The following SBF2 variants were observed in gnomAD, a reference collection of about 807,000 sequenced individuals.
SBF2 encodes the protein SET binding factor 2, also known as myotubularin-related protein 13.
Under a neutral mutation model 225.2 loss-of-function variants are expected in SBF2, and 112 were observed. That is an observed-to-expected ratio of 0.50 (90% CI 0.43 to 0.58). The LOEUF is 0.58. Among genes scored for constraint, SBF2 ranks in the 20% least tolerant of loss-of-function variants. The probability of loss-of-function intolerance (pLI) is 0.00; values close to 1 mark genes in which losing one functional copy is unlikely to be tolerated. For missense variants in SBF2, 1,996 were observed against 2,206.2 expected (o/e 0.90, Z 1.91); for synonymous variants, 763 against 773.3 (o/e 0.99, Z 0.22).
intron 27 of SBF2, 176 bp from the exon 28 acceptor site, chr11:9,829,672 C>G (rs1044352101): frequency 1.7e-6 from 1 of 603,858 alleles, no homozygotes; most frequent in Admixed American, 2.7e-5. Context: ...TATTAAATGG[C>G]TAATCCTCCA....
intron 1 of SBF2, among the ~76,000 whole-genome samples, chr11:10,273,017 C>G (rs1254219416): frequency 6.6e-6 from 1 of 151,782 alleles, no homozygotes; most frequent in African/African-American, 2.4e-5. Flanking sequence ...TTGCAGTGAG[C>G]CAAGATCGCG....
chr11:9,905,161 A>T (rs560496246), intron 16 of SBF2, among the ~76,000 whole-genome samples: 2 of 152,362 alleles, frequency 1.3e-5, no homozygotes, highest in Non-Finnish European at 2.9e-5. Context: ...CCTGGTACAT[A>T]GAAAGTACTC....
intron 2 of SBF2, among the ~76,000 whole-genome samples, chr11:10,174,550 G>A (rs910064790): frequency 3.3e-5 from 5 of 152,220 alleles, no homozygotes; most frequent in African/African-American, 1.2e-4. Flanking sequence ...GTACCTGAAA[G>A]TGATGGGGAG....
At chr11:9,899,622 A>G (rs1360502028) in intron 16 of SBF2, among the ~76,000 whole-genome samples, 1 of 152,126 alleles carries the variant, frequency 6.6e-6, no homozygotes, top group Admixed American at 6.6e-5. Context: ...CTTGAGAATT[A>G]GAAGGGTCCC....
intron 16 of SBF2, among the ~76,000 whole-genome samples, chr11:9,942,907 GAAAGAAAGAAAGAAAGAA>G (rs1565038962): frequency 8.8e-5 from 4 of 45,620 alleles, no homozygotes; most frequent in African/African-American, 9.9e-5. Context: ...GAGAGAGAAA[GAAAGAAAGAAAGAAAGAA>G]AGAAAGAAAG....
chr11:10,289,247 CAA>C (rs1411436191), intron 1 of SBF2, among the ~76,000 whole-genome samples: 1 of 152,234 alleles, frequency 6.6e-6, no homozygotes, highest in East Asian at 1.9e-4. Flanking sequence ...CCTGAGAGTG[CAA>C]AGAGGCCTTG....
intron 2 of SBF2, among the ~76,000 whole-genome samples, chr11:10,173,625 G>A (rs1346134699): frequency 1.3e-5 from 2 of 152,196 alleles, no homozygotes; most frequent in Non-Finnish European, 2.9e-5. Flanking sequence ...GGTAAACAAA[G>A]CAGCAGGGAA....
intron 28 of SBF2, among the ~76,000 whole-genome samples, chr11:9,822,916 T>C (rs755993205): frequency 6.6e-6 from 1 of 152,348 alleles, no homozygotes; most frequent in African/African-American, 2.4e-5. Context: ...ATATTTGCTA[T>C]GCAGCCTTGG....
Position 10,254,900 on chromosome 11 carries a change from CAAAAAAAAAAAAAAAAAAAA to C in SBF2, c.55+39095_55+39114del, listed in dbSNP as rs71034757. Among the ~76,000 whole-genome samples the C allele has an allele frequency of 1.2e-3, 53 of 44,072 alleles. 2 individuals carry two copies. The highest frequency in any genetic ancestry group is 5.0e-3 in the South Asian group (4 of 808). 28.9% of individuals were successfully genotyped at this position (44,072 alleles called of 152,430 possible). ...TGGGTGACAGAGTGAGACTCTGTCTCAAAAAAAAAAAAAAAAAAAAAAAAAAAAAAAAAAAAAAATCCTAT... is the reference window on the plus strand; with the variant it reads ...TGGGTGACAGAGTGAGACTCTGTCTCAAAAAAAAAAAAAAAAAAATCCTAT... On this transcript the variant is annotated intron_variant, in intron 1 of 39. Transcript: ENST00000256190.
intron 3 of SBF2, 73 bp from the exon 4 acceptor site, chr11:10,031,243 C>A (rs1949245283): frequency 2.1e-6 from 3 of 1,395,466 alleles, no homozygotes; most frequent in Admixed American, 3.5e-5. Flanking sequence ...AGATGAATAT[C>A]ACCTTAAATA....
chr11:10,122,449 G>C (rs1444067683), intron 2 of SBF2, among the ~76,000 whole-genome samples: 2 of 152,158 alleles, frequency 1.3e-5, no homozygotes, highest in Non-Finnish European at 2.9e-5. Flanking sequence ...CTAGAACTCA[G>C]AACAGGCCCT....
At chr11:9,840,899 T>C (rs1160245766) in intron 25 of SBF2, among the ~76,000 whole-genome samples, 1 of 151,652 alleles carries the variant, frequency 6.6e-6, no homozygotes, top group East Asian at 1.9e-4. Context: ...AATAATCAAA[T>C]ATTTTAGGGA....
intron 2 of SBF2, among the ~76,000 whole-genome samples, chr11:10,118,696 C>T (rs535206148): frequency 7.9e-5 from 12 of 151,958 alleles, no homozygotes; most frequent in African/African-American, 2.9e-4. Context: ...ACCTGTTCCC[C>T]CCAAAATCAG....
chr11:9,850,300 G>C (rs1281218676), intron 21 of SBF2, 82 bp from the exon 22 acceptor site: 2 of 1,309,274 alleles, frequency 1.5e-6, no homozygotes, highest in Admixed American at 3.6e-5. Context: ...CTGTTGCCCA[G>C]CCTAGAATAC....
At chr11:10,221,384 C>G (rs1180521545) in intron 1 of SBF2, among the ~76,000 whole-genome samples, 1 of 152,180 alleles carries the variant, frequency 6.6e-6, no homozygotes, top group African/African-American at 2.4e-5. Flanking sequence ...TCCTAAAGTG[C>G]TGGGATTACA....
chr11:10,162,206 G>A (rs1039698641), intron 2 of SBF2, among the ~76,000 whole-genome samples: 10 of 150,042 alleles, frequency 6.7e-5, no homozygotes, highest in Non-Finnish European at 1.2e-4. Context: ...TTTTCCAACA[G>A]GGCAGAAAAA....
At chr11:10,030,788 T>C (rs1949222664) in intron 4 of SBF2, among the ~76,000 whole-genome samples, 1 of 152,212 alleles carries the variant, frequency 6.6e-6, no homozygotes. Flanking sequence ...TTAGGATGTA[T>C]ACATTCTGGA....
At chr11:9,959,132 G>T in intron 16 of SBF2, 2 of 1,018,296 alleles carry the variant, frequency 2.0e-6, no homozygotes, top group Non-Finnish European at 3.1e-6. Flanking sequence ...CATACACGAT[G>T]TAAGATGAAA....
In SBF2 at chr11:9,894,983, C is replaced by CAATA. The variant is rs1490528256; in HGVS notation, c.1929+956_1929+959dup. 6.6e-4 allele frequency among the ~76,000 whole-genome samples: 100 copies of CAATA among 152,172 alleles called. 1 individual carries two copies. Among genetic ancestry groups the CAATA allele is most frequent in the African/African-American group, 2.3e-3 (97 of 41,536 alleles). ...GGCAACAAGAGCTAAAACTCTGTCT[C>CAATA]AATAAATAAATAAATAAAAATAAAA... On this transcript the variant is annotated intron_variant, in intron 17 of 39. Transcript: ENST00000256190.
Sources: gnomAD v4.1 joint callset for allele counts (sites outside exome capture counted in the v4.1 genomes callset) on GRCh38, gnomAD v4.1.1 for gene constraint, MANE v1.5 for transcripts, NCBI Gene and HGNC (gene_info 2026-07-23, HGNC 2026-07-21) for gene names.